XRN1: variants seen among roughly 807,000 people sequenced by gnomAD.
The protein encoded by XRN1 is 5'-3' exoribonuclease 1, also known as strand-exchange protein 1 homolog.
XRN1 carries 67 observed loss-of-function variants against 222.3 expected under a neutral mutation model. The ratio of observed to expected loss-of-function variants is 0.30; its 90% confidence interval spans 0.25 to 0.37. The LOEUF is 0.37. Among genes scored for constraint, XRN1 ranks in the 10% least tolerant of loss-of-function variants. The pLI is 1.00. For synonymous variants in XRN1, 643 were observed against 652.4 expected, an observed-to-expected ratio of 0.99 and a Z score of 0.22; for missense variants, 1,707 against 2,000.2, an observed-to-expected ratio of 0.85 and a Z score of 2.80.
At chr3:142,410,485 A>ATG (rs1553739399) in intron 15 of XRN1, among the ~76,000 whole-genome samples, 3 of 93,456 alleles carry the variant, frequency 3.2e-5, no homozygotes, top group Admixed American at 1.1e-4. Flanking sequence ...ATTCTATCTC[A>ATG]TGTTTTTTTT....
At chr3:142,382,696 C>G (rs1270820829) in intron 22 of XRN1, among the ~76,000 whole-genome samples, 1 of 152,100 alleles carries the variant, frequency 6.6e-6, no homozygotes, top group Non-Finnish European at 1.5e-5. Flanking sequence ...CTGGGTGGTA[C>G]ATGTGCTCAT....
chr3:142,377,011 A>C (rs1480595726), intron 23 of XRN1, among the ~76,000 whole-genome samples: 2 of 152,182 alleles, frequency 1.3e-5, no homozygotes, highest in Non-Finnish European at 2.9e-5. Flanking sequence ...TAATTATTAC[A>C]TTGAATTAAA....
chr3:142,403,691 C>T lies in XRN1; in HGVS notation c.2086G>A (p.Ala696Thr), dbSNP rs2068232163. Residue 696 changes from alanine to threonine, a missense_variant, in exon 18 of 41, where the codon GCA becomes ACA. Physicochemically the swap from Ala to Thr is moderately conservative, Grantham distance 58. Coordinates refer to ENST00000392981, the MANE Select transcript of XRN1 (RefSeq NM_001282857.2). ...ENMMLEILVD[A>T]ESDELTVENV... is the part of the protein sequence containing the mutation. ...ATACTTACAAGTTCATCTGATTCTG[C>T]ATCCACTAAGATTTCCAACATCATG... The T allele has an allele frequency of 1.2e-6, 2 of 1,613,018 alleles. No individual in the cohort carries two copies. Among genetic ancestry groups the T allele is most frequent in the Non-Finnish European group, 1.7e-6 (2 of 1,179,346 alleles).
intron 1 of XRN1, among the ~76,000 whole-genome samples, chr3:142,438,754 C>T (rs548448704): frequency 6.6e-6 from 1 of 152,272 alleles, no homozygotes; most frequent in South Asian, 2.1e-4. Context: ...ATAACACCAT[C>T]CTACAGCTAG....
chr3:142,398,439 T>C (rs978751369), intron 19 of XRN1, among the ~76,000 whole-genome samples: 4 of 150,730 alleles, frequency 2.7e-5, no homozygotes, highest in South Asian at 2.2e-4. Context: ...TGATCATAGC[T>C]CACTGCAGCC....
At chr3:142,317,727 T>TG (rs1362894972) in intron 39 of XRN1, among the ~76,000 whole-genome samples, 7 of 152,190 alleles carry the variant, frequency 4.6e-5, no homozygotes, top group Admixed American at 4.6e-4. Context: ...ATGCCTCCTC[T>TG]TTATCTTCTC....
At chr3:142,427,227 G>A (rs1483030122) in intron 2 of XRN1, among the ~76,000 whole-genome samples, 1 of 152,078 alleles carries the variant, frequency 6.6e-6, no homozygotes, top group African/African-American at 2.4e-5. Context: ...CAGCTAGTTG[G>A]GAGGCTGAGG....
At position 142,423,624 on chromosome 3, in the gene XRN1, T is replaced by C. The variant is rs764320259; in HGVS notation, c.646A>G (p.Ser216Gly). ...AAGAGAGAAAAATGTGCCTCATGACTTGTTAATCCAAGCATAATCTGTTGA... is the reference window on the plus strand; with the variant it reads ...AAGAGAGAAAAATGTGCCTCATGACCTGTTAATCCAAGCATAATCTGTTGA... The part of the protein sequence containing the change: ...DADLIMLGLT[S>G]HEAHFSLLRE... The change falls in exon 6 of 41, where the codon AGT (serine) becomes GGT (glycine). Residue 216 changes from serine (S) to glycine (G), a missense_variant. Around this residue, in one of 2 missense-constraint regions of XRN1, gnomAD observed 1,234 missense variants for 1,518.2 expected, o/e 0.81. Transcript: ENST00000392981. The C allele has an allele frequency of 4.4e-6, 7 of 1,594,198 alleles. No individual in the cohort carries two copies. The Admixed American group carries it at 5.4e-5, about 12-fold the overall frequency.
At chr3:142,355,608 A>C (rs983162103) in intron 31 of XRN1, 112 bp from the exon 32 acceptor site, 4 of 689,590 alleles carry the variant, frequency 5.8e-6, no homozygotes, top group Non-Finnish European at 9.0e-6. Flanking sequence ...ACAGGATATT[A>C]AACCTTTTTT....
At chr3:142,319,415 T>TA (rs887551031) in intron 37 of XRN1, among the ~76,000 whole-genome samples, 6 of 152,212 alleles carry the variant, frequency 3.9e-5, no homozygotes, top group Non-Finnish European at 8.8e-5. Flanking sequence ...TGCCAAAATA[T>TA]AAAAGACTCA....
intron 27 of XRN1, among the ~76,000 whole-genome samples, chr3:142,369,666 A>C (rs1209968775): frequency 6.6e-6 from 1 of 151,244 alleles, no homozygotes; most frequent in African/African-American, 2.4e-5. Flanking sequence ...AAAAAAAAAA[A>C]AAAAACAAGA....
intron 13 of XRN1, 91 bp downstream of exon 13, chr3:142,417,049 A>G: frequency 1.2e-6 from 1 of 800,482 alleles, no homozygotes. Flanking sequence ...TACCATAAGT[A>G]GAAATAAAAG....
intron 23 of XRN1, among the ~76,000 whole-genome samples, chr3:142,378,617 G>A (rs948405941): frequency 7.2e-5 from 11 of 152,108 alleles, no homozygotes; most frequent in African/African-American, 1.7e-4. Flanking sequence ...TGGATGAGGA[G>A]AGATAAAACT....
chr3:142,333,717 T>C (rs1320998826), intron 34 of XRN1, among the ~76,000 whole-genome samples: 5 of 152,286 alleles, frequency 3.3e-5, no homozygotes, highest in African/African-American at 1.2e-4. Flanking sequence ...GCAACATCCA[T>C]GATGGTATTA....
chr3:142,414,410 G>A (rs1479084240), intron 13 of XRN1, 119 bp from the exon 14 acceptor site: 3 of 744,332 alleles, frequency 4.0e-6, no homozygotes, highest in Non-Finnish European at 5.7e-6. Context: ...AATTAGTACT[G>A]CCCATAATTC....
At chr3:142,355,304 G>C in intron 32 of XRN1, 97 bp downstream of exon 32, 1 of 553,114 alleles carries the variant, frequency 1.8e-6, no homozygotes, top group Non-Finnish European at 2.9e-6. Flanking sequence ...TCTATTTTAT[G>C]AGATGTCACA....
Position 142,447,826 on chromosome 3 carries a change from C to T in XRN1, c.75+44G>A. ...TCTAAGGTGGAGAGGGCCGCGGAGC[C>T]CCGGGTCCTCGGCTTTCTGAGCCGT... On this transcript the variant is annotated intron_variant, in intron 1 of 40. Coordinates refer to ENST00000392981, the MANE Select transcript of XRN1 (RefSeq NM_001282857.2). The surrounding 1 kb of genome is among the most constrained non-coding windows in gnomAD (Gnocchi z 4.2). The T allele has an allele frequency of 6.2e-7, 1 of 1,608,906 alleles. No individual in the cohort carries two copies. Among genetic ancestry groups the T allele is most frequent in the Non-Finnish European group, 8.5e-7 (1 of 1,177,654 alleles).
At chr3:142,397,029 T>C (rs889754627) in intron 20 of XRN1, among the ~76,000 whole-genome samples, 3 of 152,222 alleles carry the variant, frequency 2.0e-5, no homozygotes, top group Non-Finnish European at 4.4e-5. Context: ...AATGGCCTTA[T>C]ACAGTTAGTG....
chr3:142,379,579 A>T (rs535466143), intron 23 of XRN1, among the ~76,000 whole-genome samples: 1 of 152,350 alleles, frequency 6.6e-6, no homozygotes, highest in East Asian at 1.9e-4. Flanking sequence ...TATTTTAACA[A>T]GAGAAAAGAA....
Sources: allele counts gnomAD v4.1 joint callset (sites outside exome capture counted in the v4.1 genomes callset), GRCh38; gene constraint gnomAD v4.1.1; regional missense constraint gnomAD v4.1.1; non-coding constraint Gnocchi (gnomAD v3.1); transcripts MANE v1.5; gene names NCBI Gene and HGNC (gene_info 2026-07-23, HGNC 2026-07-21).